Variants in ERCC6 observed in about 807,000 individuals in gnomAD.
ERCC6 encodes ERCC excision repair 6, chromatin remodeling factor, also known as DNA excision repair protein ERCC-6.
ERCC6 carries 116 observed loss-of-function variants against 158.7 expected under a neutral mutation model. That is an observed-to-expected ratio of 0.73 (90% confidence interval 0.63 to 0.85). ERCC6 has a LOEUF of 0.85. Among genes scored for constraint, ERCC6 ranks in the 40% least tolerant of loss-of-function variants. The pLI is 0.00. For synonymous variants in ERCC6, 678 were observed against 659.3 expected (o/e 1.03, Z -0.43); for missense variants, 1,698 against 1,799.4 (o/e 0.94, Z 1.02).
intron 6 of ERCC6, chr10:49,505,104 G>C (rs1851421362): frequency 6.6e-6 from 1 of 152,122 alleles, no homozygotes; most frequent in Non-Finnish European, 1.5e-5. Context: ...ACAGAAAGAA[G>C]CTATGTAATG....
chr10:49,441,711 C>T, the ERCC6 span, among the ~76,000 whole-genome samples: 4 of 152,114 alleles, frequency 2.6e-5, no homozygotes, highest in Non-Finnish European at 5.9e-5. Context: ...CCAGGGAGCT[C>T]GGGTGGGCCC....
At chr10:49,445,729 G>A in the ERCC6 span, among the ~76,000 whole-genome samples, 1 of 152,134 alleles carries the variant, frequency 6.6e-6, no homozygotes, top group Non-Finnish European at 1.5e-5. Flanking sequence ...CAAGTGCCAG[G>A]GGCTACAAAC....
chr10:49,479,119 A>G (rs1265200808), intron 10 of ERCC6, among the ~76,000 whole-genome samples: 1 of 152,082 alleles, frequency 6.6e-6, no homozygotes, highest in African/African-American at 2.4e-5. Context: ...CAAAAAAAAA[A>G]AGCCCCACAG....
chr10:49,517,084 T>C (rs779307613), intron 5 of ERCC6: 3 of 1,603,136 alleles, frequency 1.9e-6, no homozygotes, highest in East Asian at 2.2e-5. Flanking sequence ...AAAAGGTCAG[T>C]TATTTCATGT....
chr10:49,497,709 A>C (rs1468456203), intron 7 of ERCC6, among the ~76,000 whole-genome samples: 2 of 152,226 alleles, frequency 1.3e-5, no homozygotes, highest in East Asian at 3.8e-4. Flanking sequence ...AGTGAGATGA[A>C]CATGAGTAAT....
Position 49,526,523 on chromosome 10 carries a change from T to C in ERCC6, c.653-1746A>G, listed in dbSNP as rs1443048979. Among the ~76,000 whole-genome samples, 5 of 152,180 alleles carry C rather than the reference T, an allele frequency of 3.3e-5. No individual in the cohort carries two copies. The East Asian group carries it at 7.7e-4, about 23-fold the overall frequency. The stretch of plus-strand genomic sequence containing the variant: ...TGCAAATATCTTCCCCAGCTCAGTA[T>C]CTTGCCCTAAATGCTATCTTCTGAT... On this transcript the variant is annotated intron_variant, in intron 4 of 20. Transcript: ENST00000355832.
the ERCC6 span, among the ~76,000 whole-genome samples, chr10:49,447,241 A>C: frequency 6.6e-6 from 1 of 152,240 alleles, no homozygotes; most frequent in African/African-American, 2.4e-5. Context: ...ATCTTACCAA[A>C]ATAGACTGAA....
At chr10:49,454,321 G>C (rs993851881), downstream of ERCC6, among the ~76,000 whole-genome samples, 1 of 152,110 alleles carries the variant, frequency 6.6e-6, no homozygotes, top group Non-Finnish European at 1.5e-5. Context: ...AGAAATGCTG[G>C]CATCTTGCCC....
intron 5 of ERCC6, chr10:49,515,410 T>C: frequency 1.9e-6 from 3 of 1,614,184 alleles, no homozygotes; most frequent in Non-Finnish European, 2.5e-6. Context: ...GTTGTGTTCT[T>C]ATGACATTCA....
downstream of ERCC6, among the ~76,000 whole-genome samples, chr10:49,454,371 G>A (rs375672400): frequency 7.9e-5 from 12 of 152,206 alleles, no homozygotes; most frequent in East Asian, 1.2e-3. Flanking sequence ...GGGAGCTGAG[G>A]GAGACGGAGC....
chr10:49,447,464 G>C, the ERCC6 span, among the ~76,000 whole-genome samples: 2 of 152,248 alleles, frequency 1.3e-5, no homozygotes, highest in East Asian at 1.9e-4. Flanking sequence ...GAGGCGGGCA[G>C]ATCACAAGGT....
chr10:49,483,257 CA>C, intron 9 of ERCC6, 88 bp downstream of exon 9: 1 of 1,342,790 alleles, frequency 7.4e-7, no homozygotes, highest in Non-Finnish European at 1.1e-6. Context: ...AGGAAAGATT[CA>C]ATAAATGTGT....
chr10:49,450,294 C>A (rs948398712), downstream of ERCC6, among the ~76,000 whole-genome samples: 3 of 152,168 alleles, frequency 2.0e-5, no homozygotes, highest in Non-Finnish European at 4.4e-5. Flanking sequence ...GGCACCTTTA[C>A]TGAAAATCAG....
At chr10:49,441,724 C>T in the ERCC6 span, among the ~76,000 whole-genome samples, 307 of 152,352 alleles carry the variant, frequency 2.0e-3, 2 homozygotes, top group Non-Finnish European at 2.7e-3. Context: ...GTGGGCCCAA[C>T]GCTGTCCGCC....
intron 12 of ERCC6, 107 bp from the exon 13 acceptor site, chr10:49,474,349 C>T (rs1012238490): frequency 8.7e-5 from 72 of 823,838 alleles, no homozygotes; most frequent in Non-Finnish European, 1.4e-4. Context: ...AACAGTTCTC[C>T]ACCAGCTTCT....
In ERCC6 at chr10:49,454,911, C is replaced by G. The variant is rs1195602085; in HGVS notation, c.*3904G>C. Among the ~76,000 whole-genome samples, 1 of 152,024 alleles carries G rather than the reference C, an allele frequency of 6.6e-6. No homozygotes were observed. Among genetic ancestry groups the G allele is most frequent in the Non-Finnish European group, 1.5e-5 (1 of 67,988 alleles). Reference sequence around the variant, plus strand: ...ATTATATGTAAATTGGTAAAGGTGGCCTTATACATCAGGAGGAAAATAATA... The same window carrying G: ...ATTATATGTAAATTGGTAAAGGTGGGCTTATACATCAGGAGGAAAATAATA... On this transcript the variant is annotated 3_prime_UTR_variant, in exon 21 of 21. Transcript: ENST00000355832.
In ERCC6 at chr10:49,456,583, A is replaced by G. The variant is rs1850487027; in HGVS notation, c.*2232T>C. 6.6e-6 allele frequency: 1 copy of G among 152,206 alleles called. No homozygotes were observed. Among genetic ancestry groups the G allele is most frequent in the African/African-American group, 2.4e-5 (1 of 41,454 alleles). The allele number at this position is 152,206 out of a possible 1,614,324, so 9.4% of individuals were successfully genotyped here. On this transcript the variant is annotated 3_prime_UTR_variant, in exon 21 of 21. Transcript: ENST00000355832. Reference sequence around the variant, plus strand: ...TACTTAGCTGTGGAACAGGTGCAAGATGGTGTGGGGGTGGGGAGGCAGACT... The same window carrying G: ...TACTTAGCTGTGGAACAGGTGCAAGGTGGTGTGGGGGTGGGGAGGCAGACT...
Position 49,532,804 on chromosome 10 carries a change from A to G in ERCC6, c.161T>C (p.Leu54Pro). ...TGCGCACCCCACAGCAGAGGTGGAC[A>G]GCCCGTCACCCACAGAACGAAAGGA... ...YLSFRSVGDG[L>P]STSAVGCASA... The change falls in exon 2 of 21, where the codon CTG becomes CCG. Residue 54 changes from leucine (L) to proline (P), a missense_variant. Coordinates refer to ENST00000355832, the MANE Select transcript of ERCC6 (RefSeq NM_000124.4). 1 of 1,614,222 alleles carries G rather than the reference A, an allele frequency of 6.2e-7. No individual in the cohort carries two copies. The highest frequency in any genetic ancestry group is 8.5e-7 in the Non-Finnish European group (1 of 1,180,036).
chr10:49,516,237 A>G (rs2132599676), intron 5 of ERCC6: 1 of 1,614,196 alleles, frequency 6.2e-7, no homozygotes, highest in Admixed American at 1.7e-5. Context: ...CTTATAGCCA[A>G]ACCGAATGGG....
Sources: gnomAD v4.1 joint callset for allele counts (sites outside exome capture counted in the v4.1 genomes callset) on GRCh38, gnomAD v4.1.1 for gene constraint, MANE v1.5 for transcripts, NCBI Gene and HGNC (gene_info 2026-07-23, HGNC 2026-07-21) for gene names.